CACNA2D1: variants seen among roughly 807,000 people sequenced by gnomAD.
The protein encoded by CACNA2D1 is voltage-dependent calcium channel subunit alpha-2/delta-1.
Under a neutral mutation model 171.5 loss-of-function variants are expected in CACNA2D1, and 53 were observed. The ratio of observed to expected loss-of-function variants is 0.31; its 90% CI spans 0.25 to 0.39. CACNA2D1 has a LOEUF of 0.39. Among genes scored for constraint, CACNA2D1 ranks in the 10% least tolerant of loss-of-function variants. The pLI, the probability that CACNA2D1 is intolerant of heterozygous loss-of-function variation, is 1.00. For missense variants in CACNA2D1, 903 were observed against 1,299.8 expected, an observed-to-expected ratio of 0.69 and a Z score of 4.69; for synonymous variants, 442 against 443.1, an observed-to-expected ratio of 1.00 and a Z score of 0.03.
At chr7:82,341,297 C>T (rs1484619145) in intron 2 of CACNA2D1, among the ~76,000 whole-genome samples, 1 of 152,122 alleles carries the variant, frequency 6.6e-6, no homozygotes, top group African/African-American at 2.4e-5. Flanking sequence ...TCCTCATCAT[C>T]TAAGCTGGCC....
rs1220292849 is a variant in CACNA2D1 at position 82,011,816 on chromosome 7, A to G, written c.1362+338T>C. Among the ~76,000 whole-genome samples the G allele has an allele frequency of 2.6e-5, 4 of 152,302 alleles. No individual in the cohort carries two copies. The East Asian group carries it at 7.7e-4, about 29-fold the overall frequency. ...TATTGTTCTAACTCTGCAAAAATAG[A>G]TTCTAATTCACAAAGACTTTCATCT... On this transcript the variant is annotated intron_variant, in intron 15 of 38. Transcript: ENST00000356860.
At chr7:82,440,158 A>G (rs906092647) in intron 1 of CACNA2D1, among the ~76,000 whole-genome samples, 2 of 151,962 alleles carry the variant, frequency 1.3e-5, no homozygotes, top group South Asian at 4.1e-4. Flanking sequence ...ATACCATTGT[A>G]CACTTTATAT....
At chr7:81,953,114 C>T (rs540207069) in intron 38 of CACNA2D1, among the ~76,000 whole-genome samples, 1 of 152,106 alleles carries the variant, frequency 6.6e-6, no homozygotes, top group African/African-American at 2.4e-5. Context: ...TCTAACTCTA[C>T]CTTCAAAATA....
At chr7:82,028,405 T>A (rs925509262) in intron 12 of CACNA2D1, 13 of 151,876 alleles carry the variant, frequency 8.6e-5, no homozygotes, top group African/African-American at 3.1e-4. Context: ...TACAAGGAGA[T>A]TAATGTGTTT....
chr7:82,100,807 T>C (rs1007786736), intron 6 of CACNA2D1, among the ~76,000 whole-genome samples: 3 of 149,374 alleles, frequency 2.0e-5, no homozygotes, highest in African/African-American at 7.3e-5. Context: ...TAGACCAAGA[T>C]TGATTTCCTG....
At chr7:82,063,849 T>TA (rs1807260175) in intron 9 of CACNA2D1, among the ~76,000 whole-genome samples, 1 of 151,738 alleles carries the variant, frequency 6.6e-6, no homozygotes, top group Non-Finnish European at 1.5e-5. Context: ...ATTTCACTTT[T>TA]AAAAGTCCCA....
At chr7:81,978,822 T>TATATATATA (rs1562811993) in intron 24 of CACNA2D1, among the ~76,000 whole-genome samples, 2 of 33,340 alleles carry the variant, frequency 6.0e-5, no homozygotes, top group African/African-American at 2.5e-4. Context: ...ATATATATAT[T>TATATATATA]TATTTATTTA....
At chr7:82,027,165 T>C (rs1802035948) in intron 12 of CACNA2D1, among the ~76,000 whole-genome samples, 1 of 151,600 alleles carries the variant, frequency 6.6e-6, no homozygotes, top group Non-Finnish European at 1.5e-5. Flanking sequence ...TAAATAATAA[T>C]GGTACATTTA....
intron 1 of CACNA2D1, among the ~76,000 whole-genome samples, chr7:82,393,777 T>C (rs1000026160): frequency 1.3e-5 from 2 of 152,220 alleles, no homozygotes; most frequent in South Asian, 4.1e-4. Flanking sequence ...TTATTCCTAA[T>C]ATTCGAAAAT....
At chr7:82,149,250 A>G (rs963293384) in intron 4 of CACNA2D1, among the ~76,000 whole-genome samples, 1 of 152,176 alleles carries the variant, frequency 6.6e-6, no homozygotes, top group African/African-American at 2.4e-5. Context: ...CTGATGAATT[A>G]TCTTAATATT....
intron 1 of CACNA2D1, among the ~76,000 whole-genome samples, chr7:82,369,715 A>G (rs888533697): frequency 6.6e-6 from 1 of 152,084 alleles, no homozygotes; most frequent in Non-Finnish European, 1.5e-5. Flanking sequence ...TGTTTTAGGA[A>G]GATATAGATA....
At chr7:82,060,211 A>ATTAT (rs374742133) in intron 10 of CACNA2D1, among the ~76,000 whole-genome samples, 5 of 31,358 alleles carry the variant, frequency 1.6e-4, no homozygotes, top group African/African-American at 4.2e-4. Context: ...TTATATATAT[A>ATTAT]ATATATATAT....
rs756666667 is a variant in CACNA2D1 at position 81,971,074 on chromosome 7, A to AC, written c.2142-338dup. 4.5e-5 allele frequency: 12 copies of AC among 267,516 alleles called. 1 individual carries two copies. In the South Asian group the frequency reaches 5.2e-4, roughly 12 times the overall value. 16.6% of individuals were successfully genotyped at this position (267,516 alleles called of 1,614,324 possible). On this transcript the variant is annotated intron_variant, in intron 26 of 38. Coordinates refer to ENST00000356860, the MANE Select transcript of CACNA2D1 (RefSeq NM_000722.4). ...GGCTGGTGTTTGGTATAGAAAAAAA[A>AC]CGTAAGACAAAAGGAGAGAAACAGT...
At chr7:82,380,874 T>G (rs931517764) in intron 1 of CACNA2D1, among the ~76,000 whole-genome samples, 4 of 152,054 alleles carry the variant, frequency 2.6e-5, no homozygotes, top group Admixed American at 1.3e-4. Context: ...TTTTTATTTT[T>G]AGTCAAGACG....
At chr7:82,090,513 T>A (rs35210040) in intron 6 of CACNA2D1, among the ~76,000 whole-genome samples, 41 of 152,212 alleles carry the variant, frequency 2.7e-4, no homozygotes, top group Non-Finnish European at 5.6e-4. Flanking sequence ...TGCATTGAGA[T>A]AAAAATTAGC....
intron 3 of CACNA2D1, among the ~76,000 whole-genome samples, chr7:82,265,417 T>C (rs1585267609): frequency 1.1e-4 from 2 of 18,724 alleles, no homozygotes; most frequent in African/African-American, 4.5e-4. Flanking sequence ...TTTTCCTTTC[T>C]TTTTTTTTTT....
intron 4 of CACNA2D1, among the ~76,000 whole-genome samples, chr7:82,149,781 A>C (rs971782676): frequency 2.8e-5 from 4 of 144,272 alleles, no homozygotes; most frequent in African/African-American, 7.6e-5. Context: ...ACAAAAAAAA[A>C]ACAAACAAAC....
intron 3 of CACNA2D1, among the ~76,000 whole-genome samples, chr7:82,317,514 C>G (rs976025720): frequency 6.6e-6 from 1 of 152,138 alleles, no homozygotes; most frequent in Non-Finnish European, 1.5e-5. Context: ...GTCTAAAATA[C>G]TTAAGGAGGA....
intron 8 of CACNA2D1, among the ~76,000 whole-genome samples, chr7:82,065,821 A>G (rs1399904452): frequency 6.6e-6 from 1 of 152,240 alleles, no homozygotes; most frequent in Non-Finnish European, 1.5e-5. Context: ...CTTATACTGT[A>G]TATGTGAACT....
Sources: allele counts gnomAD v4.1 joint callset (sites outside exome capture counted in the v4.1 genomes callset), GRCh38; gene constraint gnomAD v4.1.1; transcripts MANE v1.5; gene names NCBI Gene and HGNC (gene_info 2026-07-23, HGNC 2026-07-21).